Variants in CRYL1 observed in about 807,000 individuals in gnomAD.
The protein encoded by CRYL1 is crystallin lambda 1, also known as lambda-crystallin homolog.
Under a neutral mutation model 36.6 loss-of-function variants are expected in CRYL1, and 29 were observed. That is an observed-to-expected ratio of 0.79 (90% CI 0.59 to 1.08). CRYL1 has a LOEUF of 1.08. Among genes scored for constraint, CRYL1 ranks in the 50% least tolerant of loss-of-function variants. CRYL1 has a pLI of 0.00. For missense variants in CRYL1, 411 were observed against 407.9 expected, an observed-to-expected ratio of 1.01 and a Z score of -0.06; for synonymous variants, 152 against 151.5, an observed-to-expected ratio of 1.00 and a Z score of -0.02.
At chr13:20,414,609 T>TGA (rs778339090) in intron 5 of CRYL1, among the ~76,000 whole-genome samples, 1 of 152,196 alleles carries the variant, frequency 6.6e-6, no homozygotes, top group Non-Finnish European at 1.5e-5. Flanking sequence ...TGATATTCTT[T>TGA]GATGAAATGC....
Position 20,404,476 on chromosome 13 carries a change from G to A in CRYL1, c.846+159C>T, listed in dbSNP as rs3737037. 0.2 allele frequency among the ~76,000 whole-genome samples: 30,726 copies of A among 152,006 alleles called. 3,511 individuals are homozygous for A. Among genetic ancestry groups the A allele is most frequent in the East Asian group, 0.3 (1,566 of 5,150 alleles). Reference sequence around the variant, plus strand: ...TGTCCTTAAGGTGTCCTGGTGACACGATGGAAGTATGAACAAAGTTATGAA... The same window carrying A: ...TGTCCTTAAGGTGTCCTGGTGACACAATGGAAGTATGAACAAAGTTATGAA... On this transcript the variant is annotated intron_variant, in intron 7 of 7. Coordinates refer to ENST00000298248, the MANE Select transcript of CRYL1 (RefSeq NM_015974.3).
At chr13:20,446,883 T>C (rs1034088483) in intron 3 of CRYL1, among the ~76,000 whole-genome samples, 11 of 152,246 alleles carry the variant, frequency 7.2e-5, no homozygotes, top group Admixed American at 2.0e-4. Context: ...AAAATCTTCA[T>C]TGTGGCTACT....
At chr13:20,498,185 C>G (rs1015591299) in intron 2 of CRYL1, among the ~76,000 whole-genome samples, 1 of 150,786 alleles carries the variant, frequency 6.6e-6, no homozygotes, top group South Asian at 2.1e-4. Context: ...CATATACACA[C>G]TATACACACG....
At chr13:20,420,713 G>T (rs376029462) in intron 5 of CRYL1, among the ~76,000 whole-genome samples, 5,206 of 28,224 alleles carry the variant, frequency 0.18, 782 homozygotes, top group Non-Finnish European at 0.27. Flanking sequence ...GTGTGTGTGT[G>T]TGTGTGTGTG....
intron 3 of CRYL1, among the ~76,000 whole-genome samples, chr13:20,442,552 G>C (rs1416596386): frequency 6.6e-6 from 1 of 152,200 alleles, no homozygotes; most frequent in African/African-American, 2.4e-5. Flanking sequence ...TGGGAGGACA[G>C]GCAGGGAAGA....
intron 5 of CRYL1, chr13:20,430,525 A>G: frequency 1.0e-6 from 1 of 985,442 alleles, no homozygotes; most frequent in Non-Finnish European, 1.2e-6. Context: ...GAGTCAGCAG[A>G]ACTACCAGAG....
intron 5 of CRYL1, among the ~76,000 whole-genome samples, chr13:20,421,077 T>C (rs961377214): frequency 8.6e-5 from 12 of 139,592 alleles, no homozygotes; most frequent in African/African-American, 2.9e-4. Flanking sequence ...AAAAAAAAAA[T>C]GGAAAGGAAA....
chr13:20,461,354 T>C (rs9509231), intron 3 of CRYL1, among the ~76,000 whole-genome samples: 147,314 of 152,246 alleles, frequency 0.97, 71,430 homozygotes, highest in East Asian at 1. Context: ...CTTTGTGAGG[T>C]CCTCCTACTT....
intron 3 of CRYL1, among the ~76,000 whole-genome samples, chr13:20,479,630 A>T (rs1041248154): frequency 6.6e-6 from 1 of 152,222 alleles, no homozygotes; most frequent in Non-Finnish European, 1.5e-5. Context: ...ATAAAGACAC[A>T]CTATCATTAC....
chr13:20,425,424 C>T lies in CRYL1; in HGVS notation c.633+6678G>A, dbSNP rs573562388. Among the ~76,000 whole-genome samples the T allele has an allele frequency of 7.9e-4, 120 of 152,306 alleles. No homozygotes were observed. Among genetic ancestry groups the T allele is most frequent in the African/African-American group, 2.7e-3 (112 of 41,558 alleles). On this transcript the variant is annotated intron_variant, in intron 5 of 7. Transcript: ENST00000298248. This position sits in a 1 kb window ranked among gnomAD's most constrained non-coding sequence, Gnocchi z 4.4. ...TATAGGGTCTCAGGGCACCTGCTCACGTTGACAATGATATTAGTGAAACGG... is the reference window on the plus strand; with the variant it reads ...TATAGGGTCTCAGGGCACCTGCTCATGTTGACAATGATATTAGTGAAACGG...
chr13:20,507,963 A>G (rs73447910), intron 2 of CRYL1, among the ~76,000 whole-genome samples: 1,653 of 151,136 alleles, frequency 0.011, 22 homozygotes, highest in African/African-American at 0.038. Context: ...ATGCCTGGCC[A>G]GGCACAGTGG....
intron 5 of CRYL1, among the ~76,000 whole-genome samples, chr13:20,414,366 T>A (rs971564274): frequency 6.6e-6 from 1 of 151,870 alleles, no homozygotes; most frequent in Non-Finnish European, 1.5e-5. Context: ...CCTCCTTAGC[T>A]CACCCTACAA....
chr13:20,468,916 C>T (rs1351230865), intron 3 of CRYL1, among the ~76,000 whole-genome samples: 1 of 152,070 alleles, frequency 6.6e-6, no homozygotes, highest in Non-Finnish European at 1.5e-5. Flanking sequence ...GCTCCCTTTA[C>T]CTAGTTTTCT....
chr13:20,483,872 A>G (rs1024414245), intron 3 of CRYL1, among the ~76,000 whole-genome samples: 1 of 152,120 alleles, frequency 6.6e-6, no homozygotes, highest in Admixed American at 6.5e-5. Flanking sequence ...GCTGGAGTGC[A>G]GTGGCGCGAT....
chr13:20,439,514 C>CAAAAAAAAAAAAAAAAAA (rs56087130), intron 4 of CRYL1, 79 bp downstream of exon 4: 68 of 331,804 alleles, frequency 2.0e-4, no homozygotes, highest in East Asian at 7.6e-4. Flanking sequence ...CCCTCCCCCG[C>CAAAAAAAAAAAAAAAAAA]AAAAAAAAAA....
rs1312906496 is a variant in CRYL1, at chr13:20,489,406, A to G, written c.240T>C (p.Asn80=). Residue 80 remains asparagine (N), a synonymous_variant, in exon 3 of 8, where the codon AAT becomes AAC. Coordinates refer to ENST00000298248, the MANE Select transcript of CRYL1 (RefSeq NM_015974.3). ...TGGCACCCTCTACTGCTTCTTGGAT[A>G]TTGGGACAACCACTGATGAGTGACA... ...EQLSLISGCP[N]IQEAVEGAMH... The G allele has an allele frequency of 1.9e-6, 3 of 1,613,532 alleles. No individual in the cohort carries two copies. The highest frequency in any genetic ancestry group is 1.1e-5 in the South Asian group (1 of 91,090).
chr13:20,413,801 T>C (rs1292876923), intron 5 of CRYL1, among the ~76,000 whole-genome samples: 1 of 152,208 alleles, frequency 6.6e-6, no homozygotes. Context: ...CATTTTGGAT[T>C]TTGGATTTTC....
chr13:20,466,711 T>TGTGTGTGTGTGTGTGTGTGTGTGTG (rs2032942454), intron 3 of CRYL1, among the ~76,000 whole-genome samples: 1 of 151,458 alleles, frequency 6.6e-6, no homozygotes, highest in African/African-American at 2.4e-5. Flanking sequence ...TGTGTGTGTG[T>TGTGTGTGTGTGTGTGTGTGTGTGTG]AGTTGAAGTT....
intron 1 of CRYL1, among the ~76,000 whole-genome samples, chr13:20,524,338 TA>T (rs1401524475): frequency 6.6e-6 from 1 of 152,032 alleles, no homozygotes; most frequent in Non-Finnish European, 1.5e-5. Flanking sequence ...TAACTATTAA[TA>T]AAATGCAAGA....
Sources: gnomAD v4.1 joint callset for allele counts (sites outside exome capture counted in the v4.1 genomes callset) on GRCh38, gnomAD v4.1.1 for gene constraint, Gnocchi (gnomAD v3.1) non-coding constraint, MANE v1.5 for transcripts, NCBI Gene and HGNC (gene_info 2026-07-23, HGNC 2026-07-21) for gene names.